The following DAB1 variants were observed in gnomAD, a reference collection of about 807,000 sequenced individuals.
DAB1 encodes the protein disabled homolog 1.
DAB1 carries 15 observed loss-of-function variants against 64.6 expected under a neutral mutation model. That is an observed-to-expected ratio of 0.23 (90% CI 0.16 to 0.36). The LOEUF (loss-of-function observed/expected upper bound fraction) is 0.36, where lower values mean the gene tolerates loss of function less well. Ranked by LOEUF, DAB1 falls within the 10% of genes least tolerant of loss-of-function variation. DAB1 has a pLI of 1.00. For missense variants in DAB1, 596 were observed against 706.7 expected (o/e 0.84, Z 1.78); for synonymous variants, 235 against 251.9 (o/e 0.93, Z 0.64).
Position 57,214,707 on chromosome 1 carries a change from G to A in DAB1, c.68-69278C>T, listed in dbSNP as rs150453394. On this transcript the variant is annotated intron_variant, in intron 2 of 14. Coordinates refer to ENST00000371236, the MANE Select transcript of DAB1 (RefSeq NM_001365792.1). ...GGGTGGATCACAAGGTCAGGAGATC[G>A]AGACCATCCTGGCTAACATGGTGAA... Among the ~76,000 whole-genome samples the A allele has an allele frequency of 7.1e-3, 1,073 of 151,956 alleles. 7 individuals are homozygous for A. Among genetic ancestry groups the A allele is most frequent in the South Asian group, 1.0e-2 (48 of 4,812 alleles).
At chr1:57,500,066 A>T (rs906028141) in intron 7 of DAB1, among the ~76,000 whole-genome samples, 7 of 152,246 alleles carry the variant, frequency 4.6e-5, no homozygotes, top group Admixed American at 4.6e-4. Context: ...AATAATAATC[A>T]CCATCATCCT....
intron 6 of DAB1, among the ~76,000 whole-genome samples, chr1:57,798,652 C>T (rs1053817594): frequency 1.3e-5 from 2 of 152,202 alleles, no homozygotes; most frequent in Non-Finnish European, 2.9e-5. Flanking sequence ...CCCTTTCTGC[C>T]TATAACATGT....
intron 3 of DAB1, among the ~76,000 whole-genome samples, chr1:58,418,662 T>TGGA (rs1318502258): frequency 3.9e-5 from 6 of 152,002 alleles, no homozygotes; most frequent in African/African-American, 1.5e-4. Flanking sequence ...TTATGGGGGT[T>TGGA]GGAGGAGGAA....
chr1:58,296,044 G>C (rs1273698642), intron 4 of DAB1, among the ~76,000 whole-genome samples: 3 of 136,872 alleles, frequency 2.2e-5, no homozygotes, highest in Non-Finnish European at 4.6e-5. Context: ...AGTGAGCCGA[G>C]ATCATGCCAC....
intron 7 of DAB1, among the ~76,000 whole-genome samples, chr1:57,559,131 C>CA (rs1051777402): frequency 6.6e-6 from 1 of 152,176 alleles, no homozygotes; most frequent in African/African-American, 2.4e-5. Context: ...ACAGCAGAGG[C>CA]AAAGCAGTAA....
At chr1:57,913,790 G>A (rs1046910489) in intron 5 of DAB1, among the ~76,000 whole-genome samples, 3 of 152,168 alleles carry the variant, frequency 2.0e-5, no homozygotes, top group Admixed American at 1.3e-4. Flanking sequence ...TGAAGGATAT[G>A]AACAGACACT....
At chr1:57,234,991 C>T (rs626212) in intron 2 of DAB1, among the ~76,000 whole-genome samples, 97,638 of 151,580 alleles carry the variant, frequency 0.64, 31,981 homozygotes, top group East Asian at 0.85. Context: ...TTTGAAGGAC[C>T]TACGTGATTA....
intron 3 of DAB1, among the ~76,000 whole-genome samples, chr1:58,476,964 T>C (rs1645424755): frequency 6.6e-6 from 1 of 152,158 alleles, no homozygotes; most frequent in Non-Finnish European, 1.5e-5. Flanking sequence ...TGGACACACA[T>C]TGACTAATAT....
chr1:57,633,437 T>C (rs1277247445), intron 7 of DAB1, among the ~76,000 whole-genome samples: 4 of 152,186 alleles, frequency 2.6e-5, no homozygotes, highest in African/African-American at 9.7e-5. Flanking sequence ...TGAGAATCAT[T>C]GGCCCAATGT....
intron 3 of DAB1, among the ~76,000 whole-genome samples, chr1:58,453,912 C>T (rs971869385): frequency 3.3e-5 from 5 of 152,094 alleles, no homozygotes; most frequent in African/African-American, 9.7e-5. Context: ...CTCCTTTTCC[C>T]CATGGGTCTG....
intron 4 of DAB1, among the ~76,000 whole-genome samples, chr1:58,236,396 G>C (rs1247661795): frequency 6.6e-6 from 1 of 151,962 alleles, no homozygotes; most frequent in Non-Finnish European, 1.5e-5. Flanking sequence ...TGGGACCCAA[G>C]ACGAGTGTCG....
At chr1:57,169,952 G>T (rs527908967) in intron 2 of DAB1, among the ~76,000 whole-genome samples, 1 of 151,598 alleles carries the variant, frequency 6.6e-6, no homozygotes, top group African/African-American at 2.4e-5. Flanking sequence ...TCTGAGTAAA[G>T]TCTGCCTTAC....
chr1:57,948,835 A>T lies in DAB1; in HGVS notation n.388-64673T>A, dbSNP rs190469595. Reference sequence around the variant, plus strand: ...CCTAGAGGAAGCCAAGCCAAGAAATAGAGCCTTGGGTCTTTGTTTAGATCT... The same window carrying T: ...CCTAGAGGAAGCCAAGCCAAGAAATTGAGCCTTGGGTCTTTGTTTAGATCT... On this transcript the variant is annotated intron_variant and non_coding_transcript_variant, in intron 5 of 20. Transcript: ENST00000485760. Among the ~76,000 whole-genome samples, 192 of 152,366 alleles carry T rather than the reference A, an allele frequency of 1.3e-3. 1 individual carries two copies. Among genetic ancestry groups the T allele is most frequent in the African/African-American group, 4.3e-3 (179 of 41,590 alleles).
At chr1:57,724,822 T>C (rs1647190256) in intron 6 of DAB1, among the ~76,000 whole-genome samples, 1 of 152,170 alleles carries the variant, frequency 6.6e-6, no homozygotes, top group African/African-American at 2.4e-5. Flanking sequence ...CCCATCTCCC[T>C]GGAATTCTGG....
At chr1:58,304,298 C>T (rs1311324253) in intron 4 of DAB1, among the ~76,000 whole-genome samples, 1 of 152,046 alleles carries the variant, frequency 6.6e-6, no homozygotes. Context: ...CAAATTTGCC[C>T]CCTAGATGTA....
At chr1:57,238,894 C>CACACACA (rs1558002672) in intron 2 of DAB1, among the ~76,000 whole-genome samples, 7 of 150,078 alleles carry the variant, frequency 4.7e-5, no homozygotes, top group South Asian at 2.2e-4. Context: ...CACACACACA[C>CACACACA]CCCTAACTTG....
At chr1:57,506,120 C>T (rs920762140) in intron 7 of DAB1, among the ~76,000 whole-genome samples, 19 of 152,126 alleles carry the variant, frequency 1.2e-4, no homozygotes, top group Admixed American at 9.2e-4. Flanking sequence ...GCCCTTCTTG[C>T]GGTGCCAGAG....
chr1:57,201,675 G>A (rs1042916765), intron 2 of DAB1, among the ~76,000 whole-genome samples: 2 of 152,020 alleles, frequency 1.3e-5, no homozygotes, highest in Middle Eastern at 3.2e-3. Flanking sequence ...AGGAGCTTCC[G>A]TTCTAGTGGA....
intron 2 of DAB1, among the ~76,000 whole-genome samples, chr1:57,247,101 T>A (rs1179548540): frequency 6.6e-6 from 1 of 152,068 alleles, no homozygotes; most frequent in Non-Finnish European, 1.5e-5. Flanking sequence ...TGGGAAGGCA[T>A]GATTAGTTTT....
Sources: gnomAD v4.1 joint callset for allele counts (sites outside exome capture counted in the v4.1 genomes callset) on GRCh38, gnomAD v4.1.1 for gene constraint, MANE v1.5 for transcripts, NCBI Gene and HGNC (gene_info 2026-07-23, HGNC 2026-07-21) for gene names.